The following DNAH10 variants were observed in gnomAD, a reference collection of about 807,000 sequenced individuals.
DNAH10 encodes axonemal beta dynein heavy chain 10.
DNAH10 carries 348 observed loss-of-function variants against 506.6 expected under a neutral mutation model. The ratio of observed to expected loss-of-function variants is 0.69; its 90% CI spans 0.63 to 0.75. The LOEUF (loss-of-function observed/expected upper bound fraction) is 0.75. Ranked by LOEUF, DNAH10 falls within the 30% of genes least tolerant of loss-of-function variation. The probability of loss-of-function intolerance (pLI) is 0.00; values close to 1 mark genes in which losing one functional copy is unlikely to be tolerated. For missense variants in DNAH10, 5,179 were observed against 5,787.1 expected, an observed-to-expected ratio of 0.89 and a Z score of 3.41; for synonymous variants, 2,059 against 2,198.6, an observed-to-expected ratio of 0.94 and a Z score of 1.78.
In DNAH10 at chr12:123,877,711, G is replaced by T. The variant is rs1296686904; in HGVS notation, c.8200-25G>T. On this transcript the variant is annotated intron_variant, in intron 47 of 78. Transcript: ENST00000673944. The stretch of plus-strand genomic sequence containing the variant: ...TCTACTGAAGGACATTTGTGTGTTG[G>T]GGGGGGTGTCTTTGCATTTTTCAGA... 6 of 1,595,964 alleles carry T rather than the reference G, an allele frequency of 3.8e-6. No individual in the cohort carries two copies. The African/African-American group carries it at 4.0e-5, about 11-fold the overall frequency.
rs1950949938 is a variant in DNAH10 at position 123,846,326 on chromosome 12, G to A, written c.5814+172G>A. 6.6e-6 allele frequency among the ~76,000 whole-genome samples: 1 copy of A among 152,204 alleles called. No individual in the cohort carries two copies. The highest frequency in any genetic ancestry group is 1.5e-5 in the Non-Finnish European group (1 of 68,028). On this transcript the variant is annotated intron_variant, in intron 32 of 78. Transcript: ENST00000673944. This position sits in a 1 kb window ranked among gnomAD's most constrained non-coding sequence, Gnocchi z 4.5. ...ACCAGATTGTCACCATTTGGGATTG[G>A]CATGTAAGTGTGGCCGTGCTTAGCC...
rs767159296 is a variant in DNAH10, at chr12:123,857,045, A to G, written c.6439-11A>G. The G allele has an allele frequency of 2.5e-6, 4 of 1,598,226 alleles. No individual in the cohort carries two copies. Among genetic ancestry groups the G allele is most frequent in the Non-Finnish European group, 3.4e-6 (4 of 1,172,188 alleles). ...GAAATCTCTTGGAAACATGTGTTTC[A>G]TTTCCTGCAGGACGTGGTGCTGATG... On this transcript the variant is annotated splice_polypyrimidine_tract_variant and intron_variant, in intron 36 of 78. Transcript: ENST00000673944.
intron 26 of DNAH10, among the ~76,000 whole-genome samples, chr12:123,831,999 C>G (rs1227290538): frequency 6.6e-6 from 1 of 151,964 alleles, no homozygotes; most frequent in East Asian, 1.9e-4. Context: ...AATGAAACAT[C>G]CTTATGCAGT....
chr12:123,889,662 C>A (rs1952890989), intron 52 of DNAH10, among the ~76,000 whole-genome samples: 1 of 152,192 alleles, frequency 6.6e-6, no homozygotes, highest in South Asian at 2.1e-4. Flanking sequence ...ACTGTAGAGA[C>A]TTTTCAGCTG....
rs376599294 is a variant in DNAH10 at position 123,796,626 on chromosome 12, A to G, written c.1987-30A>G. Reference sequence around the variant, plus strand: ...CTTGGCTAACCTGGCGATGTTTATCACTTACAGAAGCTGTTTGATTGCTTT... The same window carrying G: ...CTTGGCTAACCTGGCGATGTTTATCGCTTACAGAAGCTGTTTGATTGCTTT... On this transcript the variant is annotated intron_variant, in intron 12 of 78. Transcript: ENST00000673944. 4 of 1,560,118 alleles carry G rather than the reference A, an allele frequency of 2.6e-6. No individual in the cohort carries two copies. The African/African-American group carries it at 5.5e-5, about 21-fold the overall frequency.
intron 5 of DNAH10, among the ~76,000 whole-genome samples, chr12:123,775,398 C>T (rs1317460006): frequency 6.6e-6 from 1 of 152,198 alleles, no homozygotes; most frequent in African/African-American, 2.4e-5. Context: ...CATGAGCCAC[C>T]ATGCTTGGCC....
intron 59 of DNAH10, among the ~76,000 whole-genome samples, chr12:123,912,460 TGGGGGGTCTGTCCTG>T (rs1478048513): frequency 2.2e-5 from 1 of 46,212 alleles, no homozygotes; most frequent in African/African-American, 1.0e-4. Context: ...GGGTCTGTCC[TGGGGGGTCTGTCCTG>T]GGGGGGGGTC....
intron 5 of DNAH10, among the ~76,000 whole-genome samples, chr12:123,780,470 G>C (rs1284795995): frequency 6.6e-6 from 1 of 151,630 alleles, no homozygotes; most frequent in African/African-American, 2.4e-5. Context: ...CCAGCTCCCT[G>C]TGCCACAGTT....
Position 123,914,400 on chromosome 12 carries a change from C to G in DNAH10, c.10424C>G (p.Ala3475Gly). The change falls in exon 61 of 79, where the codon GCT (alanine) becomes GGT (glycine). Residue 3475 changes from alanine to glycine, a missense_variant. Ala to Gly is a moderately conservative substitution (Grantham distance 60). This residue lies in a region of DNAH10 where 4,844 missense variants were observed against 5,430.5 expected (regional missense o/e 0.89). Coordinates refer to ENST00000673944, the MANE Select transcript of DNAH10 (RefSeq NM_001372106.1). ...CTGGGGGACTGCCTGCTCTGCGCGG[C>G]TTTCCTCAGCTACGAGGGAGCCTTC... is the stretch of plus-strand genomic sequence containing the variant. The part of the protein sequence containing the change: ...KLLGDCLLCA[A>G]FLSYEGAFTW... 6.2e-7 allele frequency: 1 copy of G among 1,613,664 alleles called. No individual in the cohort carries two copies. Among genetic ancestry groups the G allele is most frequent in the East Asian group, 2.2e-5 (1 of 44,880 alleles).
chr12:123,890,655 A>C (rs1952941048), intron 52 of DNAH10, among the ~76,000 whole-genome samples: 1 of 152,142 alleles, frequency 6.6e-6, no homozygotes, highest in Admixed American at 6.5e-5. Flanking sequence ...CAGGAGTGGG[A>C]GAGGGGCATC....
chr12:123,901,477 G>A (rs971912359), intron 56 of DNAH10, among the ~76,000 whole-genome samples: 2 of 152,194 alleles, frequency 1.3e-5, no homozygotes, highest in Non-Finnish European at 1.5e-5. Context: ...CACGCTGCAA[G>A]TGCCAGTGCT....
intron 54 of DNAH10, among the ~76,000 whole-genome samples, chr12:123,896,148 C>CACACACACATAG (rs1383690518): frequency 4.2e-5 from 4 of 95,272 alleles, no homozygotes; most frequent in South Asian, 3.7e-4. Flanking sequence ...CACACACACA[C>CACACACACATAG]AGAGAGAGAG....
rs768394318 is a variant in DNAH10 at position 123,923,819 on chromosome 12, C to T, written c.11563C>T (p.Gln3855Ter). 8 of 1,612,794 alleles carry T rather than the reference C, an allele frequency of 5.0e-6. No individual in the cohort carries two copies. The highest frequency in any genetic ancestry group is 6.8e-6 in the Non-Finnish European group (8 of 1,179,628). The change falls in exon 66 of 79, where the codon CAA becomes TAA. Residue 3855 changes from glutamine to a stop codon, truncating the protein, a stop_gained. Transcript: ENST00000673944. LOFTEE classifies it high-confidence loss of function. Reference sequence around the variant, plus strand: ...TTTTAATATGACCATCAAGATAGAACAAGCAGAAGGGAGAGTCCCTCAAGA... The same window carrying T: ...TTTTAATATGACCATCAAGATAGAATAAGCAGAAGGGAGAGTCCCTCAAGA... ...FSFNMTIKIE[Q>*]AEGRVPQEEL...
intron 7 of DNAH10, among the ~76,000 whole-genome samples, chr12:123,783,554 T>G (rs909154265): frequency 1.3e-5 from 2 of 152,132 alleles, no homozygotes; most frequent in African/African-American, 4.8e-5. Context: ...GAAAGCAAAT[T>G]CCTTGGCTCA....
rs994527519 is a variant in DNAH10 at position 123,801,313 on chromosome 12, A to G, written c.2495A>G (p.His832Arg). 1 of 1,614,174 alleles carries G rather than the reference A, an allele frequency of 6.2e-7. No individual in the cohort carries two copies. Among genetic ancestry groups the G allele is most frequent in the Non-Finnish European group, 8.5e-7 (1 of 1,180,020 alleles). The stretch of plus-strand genomic sequence containing the variant: ...GCTGGGATACAGCGCATGTTGGATC[A>G]TTATCACATGCTCATAGGAACGTTA... ...YTAGIQRMLDHYHMLIGTLND... is the reference protein window; with the variant it reads ...YTAGIQRMLDRYHMLIGTLND... Residue 832 changes from histidine to arginine, a missense_variant, in exon 16 of 79, where the codon CAT becomes CGT. His to Arg is a conservative substitution (Grantham distance 29). This residue lies in a region of DNAH10 where 4,844 missense variants were observed against 5,430.5 expected (regional missense o/e 0.89). Coordinates refer to ENST00000673944, the MANE Select transcript of DNAH10 (RefSeq NM_001372106.1).
rs78275838 is a variant in DNAH10 at position 123,934,397 on chromosome 12, C to T, written c.13478-224C>T. 2.5e-4 allele frequency: 169 copies of T among 671,642 alleles called. No homozygotes were observed. In the East Asian group the frequency reaches 4.4e-3, roughly 18 times the overall value. The allele number at this position is 671,642 out of a possible 1,614,324, so 41.6% of individuals were successfully genotyped here. A position where few individuals can be genotyped will look rare whatever the true frequency, so the allele number is the denominator to read the frequency against. ...AGGCCACCGCCCCACACCCATTTCT[C>T]TGGGCCATGGGGCAGGGCCACAGGG... On this transcript the variant is annotated intron_variant, in intron 77 of 78. Coordinates refer to ENST00000673944, the MANE Select transcript of DNAH10 (RefSeq NM_001372106.1).
At chr12:123,861,954 A>T (rs1951628637) in intron 39 of DNAH10, among the ~76,000 whole-genome samples, 1 of 151,942 alleles carries the variant, frequency 6.6e-6, no homozygotes, top group East Asian at 1.9e-4. Context: ...GTTCGTCAGG[A>T]TTTCTTTATC....
intron 6 of DNAH10, among the ~76,000 whole-genome samples, chr12:123,781,512 C>T (rs1957649458): frequency 6.6e-6 from 1 of 152,114 alleles, no homozygotes; most frequent in African/African-American, 2.4e-5. Context: ...GTTGCCCAGG[C>T]TGGAGTGCAG....
chr12:123,793,369 C>T (rs11057363), intron 11 of DNAH10, among the ~76,000 whole-genome samples: 164 of 123,004 alleles, frequency 1.3e-3, no homozygotes, highest in African/African-American at 4.7e-3. Flanking sequence ...AATGGAGTCT[C>T]GCTCTGTCGC....
Sources: allele counts gnomAD v4.1 joint callset (sites outside exome capture counted in the v4.1 genomes callset), GRCh38; gene constraint gnomAD v4.1.1; regional missense constraint gnomAD v4.1.1; non-coding constraint Gnocchi (gnomAD v3.1); transcripts MANE v1.5; gene names NCBI Gene and HGNC (gene_info 2026-07-23, HGNC 2026-07-21).